Variants in LRRTM4 observed in about 807,000 individuals in gnomAD.
LRRTM4 encodes leucine rich repeat transmembrane neuronal 4, also known as leucine-rich repeat transmembrane neuronal protein 4.
LRRTM4 carries 25 observed loss-of-function variants against 47.6 expected under a neutral mutation model. That is an observed-to-expected ratio of 0.53 (90% CI 0.38 to 0.73). The LOEUF (loss-of-function observed/expected upper bound fraction) is 0.73, where lower values mean the gene tolerates loss of function less well. LRRTM4 is among the 30% of genes least tolerant of loss of function. The pLI is 0.00. For synonymous variants in LRRTM4, 311 were observed against 269.5 expected, an observed-to-expected ratio of 1.15 and a Z score of -1.51; for missense variants, 638 against 713.4, an observed-to-expected ratio of 0.89 and a Z score of 1.20.
chr2:77,447,678 G>A (rs1275445214), intron 3 of LRRTM4, among the ~76,000 whole-genome samples: 1 of 151,910 alleles, frequency 6.6e-6, no homozygotes, highest in African/African-American at 2.4e-5. Context: ...TTTTTTTGAT[G>A]TTTGTCTTTT....
intron 3 of LRRTM4, among the ~76,000 whole-genome samples, chr2:77,402,707 C>G (rs963698318): frequency 1.3e-5 from 2 of 152,078 alleles, no homozygotes; most frequent in East Asian, 1.9e-4. Context: ...CATATATTCA[C>G]AGCTGGGCAA....
chr2:77,029,461 C>T (rs567992992), intron 3 of LRRTM4, among the ~76,000 whole-genome samples: 1 of 151,096 alleles, frequency 6.6e-6, no homozygotes, highest in African/African-American at 2.5e-5. Flanking sequence ...GTCTGATGTT[C>T]GAGAGCAGGA....
At chr2:76,755,626 G>A (rs1222129468) in intron 3 of LRRTM4, among the ~76,000 whole-genome samples, 1 of 152,108 alleles carries the variant, frequency 6.6e-6, no homozygotes, top group African/African-American at 2.4e-5. Flanking sequence ...TCACTAGCAT[G>A]GTGTATCCAG....
chr2:77,017,836 A>C (rs919361452), intron 3 of LRRTM4, among the ~76,000 whole-genome samples: 4 of 152,272 alleles, frequency 2.6e-5, no homozygotes, highest in African/African-American at 9.6e-5. Flanking sequence ...ATGAGAACCC[A>C]ATCTACTTAT....
chr2:76,803,248 A>T (rs2103782010), intron 3 of LRRTM4, among the ~76,000 whole-genome samples: 1 of 152,292 alleles, frequency 6.6e-6, no homozygotes, highest in Non-Finnish European at 1.5e-5. Context: ...ACCACTCAAT[A>T]GCAAAAAACA....
At chr2:76,974,388 A>C (rs1375447489) in intron 3 of LRRTM4, among the ~76,000 whole-genome samples, 2 of 150,780 alleles carry the variant, frequency 1.3e-5, no homozygotes, top group East Asian at 2.0e-4. Flanking sequence ...AGTAACGTTT[A>C]ACTTGAGAAC....
intron 3 of LRRTM4, among the ~76,000 whole-genome samples, chr2:77,224,233 G>T (rs1573102809): frequency 6.6e-6 from 1 of 151,842 alleles, no homozygotes; most frequent in African/African-American, 2.4e-5. Flanking sequence ...AGACTTACAT[G>T]TTAGACCTAA....
intron 3 of LRRTM4, among the ~76,000 whole-genome samples, chr2:77,456,876 C>G (rs1345787814): frequency 3.3e-5 from 5 of 150,164 alleles, no homozygotes; most frequent in Non-Finnish European, 7.4e-5. Context: ...CATCTTCCAA[C>G]TCTACATTTC....
At chr2:76,979,005 A>G (rs1205536000) in intron 3 of LRRTM4, among the ~76,000 whole-genome samples, 1 of 152,030 alleles carries the variant, frequency 6.6e-6, no homozygotes, top group East Asian at 1.9e-4. Flanking sequence ...AAAACATGAT[A>G]CAGAGTGGAG....
intron 3 of LRRTM4, among the ~76,000 whole-genome samples, chr2:76,999,117 G>A (rs58065105): frequency 0.028 from 4,280 of 151,944 alleles, 239 homozygotes; most frequent in African/African-American, 0.098. Flanking sequence ...GGTAGTGTGT[G>A]TGCATCATGG....
intron 3 of LRRTM4, among the ~76,000 whole-genome samples, chr2:77,033,302 T>C (rs529687881): frequency 2.0e-5 from 3 of 151,110 alleles, no homozygotes; most frequent in African/African-American, 7.3e-5. Flanking sequence ...TATGAAGACA[T>C]TTATAGCTCA....
At chr2:77,304,540 C>G (rs540424245) in intron 3 of LRRTM4, among the ~76,000 whole-genome samples, 2 of 151,834 alleles carry the variant, frequency 1.3e-5, no homozygotes, top group East Asian at 3.9e-4. Context: ...GCTGGCAAAC[C>G]TGAAAAAAAT....
chr2:76,795,594 C>CATACATAT (rs59362311), intron 3 of LRRTM4, among the ~76,000 whole-genome samples: 1 of 151,598 alleles, frequency 6.6e-6, no homozygotes, highest in African/African-American at 2.4e-5. Context: ...CACACACATA[C>CATACATAT]ACACACACTA....
intron 3 of LRRTM4, among the ~76,000 whole-genome samples, chr2:76,845,019 C>A (rs1301237722): frequency 1.3e-5 from 2 of 152,062 alleles, no homozygotes; most frequent in African/African-American, 2.4e-5. Flanking sequence ...CAAATCCCTG[C>A]CACAAAAACC....
chr2:77,043,508 C>T (rs780275465), intron 3 of LRRTM4, among the ~76,000 whole-genome samples: 1 of 151,666 alleles, frequency 6.6e-6, no homozygotes, highest in African/African-American at 2.4e-5. Context: ...GATGCCTAAA[C>T]GAATGTCATT....
intron 3 of LRRTM4, among the ~76,000 whole-genome samples, chr2:76,853,046 A>C (rs17333213): frequency 0.14 from 20,878 of 152,198 alleles, 1,822 homozygotes; most frequent in Admixed American, 0.2. Context: ...GATGAGACTG[A>C]CTTTATAACT....
chr2:77,460,372 T>C (rs1033004731), intron 3 of LRRTM4, among the ~76,000 whole-genome samples: 9 of 152,286 alleles, frequency 5.9e-5, no homozygotes, highest in Non-Finnish European at 8.8e-5. Context: ...TAAATAACTT[T>C]GGTTAAGCTA....
Position 76,852,241 on chromosome 2 carries a change from C to G in LRRTM4, c.1552-103325G>C, listed in dbSNP as rs377148045. Among the ~76,000 whole-genome samples, 13 of 152,270 alleles carry G rather than the reference C, an allele frequency of 8.5e-5. No homozygotes were observed. In the East Asian group the frequency reaches 2.1e-3, roughly 25 times the overall value. ...TTCCACAACTTCTGTTCTATGGAAT[C>G]AAGCCTCTCATTACCAGCAAGCATA... is the stretch of plus-strand genomic sequence containing the variant. On this transcript the variant is annotated intron_variant, in intron 3 of 3. Coordinates refer to ENST00000409884, the MANE Select transcript of LRRTM4 (RefSeq NM_001134745.3).
rs544173811 is a variant in LRRTM4, at chr2:77,439,736, T to C, written c.1551+78582A>G. On this transcript the variant is annotated intron_variant, in intron 3 of 3. Coordinates refer to ENST00000409884, the MANE Select transcript of LRRTM4 (RefSeq NM_001134745.3). Reference sequence around the variant, plus strand: ...GAAACAGCAAAAGAATAATTATTATTATTACAGGTGACGCTACTATACTGT... The same window carrying C: ...GAAACAGCAAAAGAATAATTATTATCATTACAGGTGACGCTACTATACTGT... 1.2e-3 allele frequency among the ~76,000 whole-genome samples: 180 copies of C among 152,288 alleles called. 2 individuals carry two copies. The highest frequency in any genetic ancestry group is 4.3e-3 in the African/African-American group (179 of 41,566).
Sources: allele counts gnomAD v4.1 joint callset (sites outside exome capture counted in the v4.1 genomes callset), GRCh38; gene constraint gnomAD v4.1.1; transcripts MANE v1.5; gene names NCBI Gene and HGNC (gene_info 2026-07-23, HGNC 2026-07-21).